The following TENM2 variants were observed in gnomAD, a reference collection of about 807,000 sequenced individuals.
TENM2 encodes the protein teneurin-2.
A neutral mutation model predicts 245.2 loss-of-function variants in TENM2; 52 were observed. The observed-to-expected ratio is 0.21, with a 90% confidence interval of 0.17 to 0.27. The LOEUF (loss-of-function observed/expected upper bound fraction) is 0.27. Among genes scored for constraint, TENM2 ranks in the 10% least tolerant of loss-of-function variants. The pLI is 1.00. For missense variants in TENM2, 3,046 were observed against 3,666.8 expected (o/e 0.83, Z 4.37); for synonymous variants, 1,363 against 1,438.9 (o/e 0.95, Z 1.19).
the TENM2 span, among the ~76,000 whole-genome samples, chr5:166,985,766 C>T: frequency 3.5e-3 from 529 of 152,084 alleles, 1 homozygote; most frequent in Middle Eastern, 0.024. Context: ...AGAGGAGGCT[C>T]CAAGAAAACA....
chr5:167,933,590 T>C (rs1172800676), intron 3 of TENM2, among the ~76,000 whole-genome samples: 1 of 152,128 alleles, frequency 6.6e-6, no homozygotes, highest in African/African-American at 2.4e-5. Context: ...AATAAAAATA[T>C]CGAGCGTTTG....
the TENM2 span, among the ~76,000 whole-genome samples, chr5:167,211,443 T>A: frequency 6.6e-6 from 1 of 152,162 alleles, no homozygotes; most frequent in Non-Finnish European, 1.5e-5. Context: ...TCAGAAAAAA[T>A]CATTTATAAT....
chr5:167,847,800 C>T (rs1770184915), intron 2 of TENM2, among the ~76,000 whole-genome samples: 1 of 152,202 alleles, frequency 6.6e-6, no homozygotes, highest in African/African-American at 2.4e-5. Context: ...TTGGGCCAAA[C>T]ATATTAATCT....
At chr5:167,726,926 T>C (rs1404953190) in intron 2 of TENM2, among the ~76,000 whole-genome samples, 1 of 152,134 alleles carries the variant, frequency 6.6e-6, no homozygotes, top group East Asian at 1.9e-4. Flanking sequence ...TTTCTATTGT[T>C]AGTAATTAAT....
chr5:168,054,926 C>T (rs1392588379), intron 6 of TENM2, among the ~76,000 whole-genome samples: 4 of 152,168 alleles, frequency 2.6e-5, no homozygotes, highest in Admixed American at 6.5e-5. Flanking sequence ...TAAGCACGTG[C>T]TTCTTAGGGC....
the TENM2 span, among the ~76,000 whole-genome samples, chr5:167,082,917 A>G: frequency 6.6e-6 from 1 of 152,146 alleles, no homozygotes; most frequent in Non-Finnish European, 1.5e-5. Flanking sequence ...ATCAACACAA[A>G]TAATAAGGAA....
upstream of TENM2, among the ~76,000 whole-genome samples, chr5:167,280,514 G>C (rs56230944): frequency 2.6e-5 from 4 of 152,134 alleles, no homozygotes; most frequent in Non-Finnish European, 5.9e-5. Flanking sequence ...TTTCATGGAA[G>C]GGCAAGCTTT....
chr5:167,963,454 G>T (rs1208346268), intron 4 of TENM2, among the ~76,000 whole-genome samples: 1 of 152,118 alleles, frequency 6.6e-6, no homozygotes, highest in African/African-American at 2.4e-5. Context: ...ATAAGAATTG[G>T]TCTCTCTCCA....
intron 12 of TENM2, among the ~76,000 whole-genome samples, chr5:168,158,624 T>C (rs1437855869): frequency 6.6e-6 from 1 of 151,218 alleles, no homozygotes; most frequent in Non-Finnish European, 1.5e-5. Context: ...ACCCACAAGA[T>C]GCCAATAGCA....
intron 2 of TENM2, among the ~76,000 whole-genome samples, chr5:167,697,236 C>A (rs982771211): frequency 1.3e-5 from 2 of 152,194 alleles, no homozygotes; most frequent in African/African-American, 2.4e-5. Context: ...CCATGACACC[C>A]GCTCCTTGTT....
intron 2 of TENM2, among the ~76,000 whole-genome samples, chr5:167,687,282 C>T (rs1281248632): frequency 2.0e-5 from 3 of 152,002 alleles, no homozygotes; most frequent in Non-Finnish European, 2.9e-5. Flanking sequence ...AGAATATATA[C>T]GTATATGATC....
chr5:167,982,703 CT>C (rs147993060), intron 4 of TENM2, among the ~76,000 whole-genome samples: 3,869 of 152,234 alleles, frequency 0.025, 172 homozygotes, highest in African/African-American at 0.088. Flanking sequence ...ATTTTCCCCT[CT>C]ACCATAATTA....
At chr5:168,209,184 T>C (rs1468649320) in intron 19 of TENM2, among the ~76,000 whole-genome samples, 1 of 152,228 alleles carries the variant, frequency 6.6e-6, no homozygotes, top group Admixed American at 6.5e-5. Context: ...TTATTGGTGA[T>C]GTGTAAATCA....
intron 2 of TENM2, among the ~76,000 whole-genome samples, chr5:167,784,962 G>A (rs981167888): frequency 8.5e-6 from 1 of 117,440 alleles, no homozygotes; most frequent in African/African-American, 2.7e-5. Flanking sequence ...TCTATATCCT[G>A]TTGAATTAAG....
chr5:167,997,896 A>G (rs1784172244), intron 5 of TENM2, among the ~76,000 whole-genome samples: 1 of 152,144 alleles, frequency 6.6e-6, no homozygotes, highest in Non-Finnish European at 1.5e-5. Context: ...TTGCTTCCCA[A>G]CTGGCTAAGA....
At chr5:167,399,297 A>G (rs773680917) in intron 2 of TENM2, among the ~76,000 whole-genome samples, 1 of 152,176 alleles carries the variant, frequency 6.6e-6, no homozygotes, top group African/African-American at 2.4e-5. Context: ...ATCAAAGCCA[A>G]TAATAAGCCA....
At chr5:167,211,092 T>G in the TENM2 span, among the ~76,000 whole-genome samples, 1 of 152,174 alleles carries the variant, frequency 6.6e-6, no homozygotes, top group African/African-American at 2.4e-5. Flanking sequence ...CTTTAAGATC[T>G]CACTTTTAGT....
the TENM2 span, among the ~76,000 whole-genome samples, chr5:167,153,096 C>CAT: frequency 7.3e-6 from 1 of 136,246 alleles, no homozygotes; most frequent in African/African-American, 3.2e-5. Flanking sequence ...TCAATGAATA[C>CAT]ATACACACAC....
intron 2 of TENM2, among the ~76,000 whole-genome samples, chr5:167,779,582 T>C (rs1764045602): frequency 6.6e-6 from 1 of 152,216 alleles, no homozygotes; most frequent in South Asian, 2.1e-4. Context: ...ATGACTTTAT[T>C]AGGGTCTGTC....
Sources: allele counts gnomAD v4.1 joint callset (sites outside exome capture counted in the v4.1 genomes callset), GRCh38; gene constraint gnomAD v4.1.1; transcripts MANE v1.5; gene names NCBI Gene and HGNC (gene_info 2026-07-23, HGNC 2026-07-21).